Variants in SGCD observed in about 807,000 individuals in gnomAD.
The protein encoded by SGCD is sarcoglycan delta.
A neutral mutation model predicts 36.6 loss-of-function variants in SGCD; 18 were observed. The observed-to-expected ratio is 0.49, with a 90% CI of 0.34 to 0.73. SGCD has a LOEUF of 0.73. Among genes scored for constraint, SGCD ranks in the 30% least tolerant of loss-of-function variants. The pLI, the probability that SGCD is intolerant of heterozygous loss-of-function variation, is 0.01. For synonymous variants in SGCD, 133 were observed against 130.6 expected (o/e 1.02, Z -0.12); for missense variants, 387 against 346.7 (o/e 1.12, Z -0.92).
intron 3 of SGCD, among the ~76,000 whole-genome samples, chr5:156,271,679 G>A (rs1766184932): frequency 6.6e-6 from 1 of 151,984 alleles, no homozygotes; most frequent in Non-Finnish European, 1.5e-5. Context: ...TTTTCACCAA[G>A]GACAGCAGTC....
At chr5:156,109,873 C>A (rs1013424333) in intron 1 of SGCD, among the ~76,000 whole-genome samples, 2 of 152,092 alleles carry the variant, frequency 1.3e-5, no homozygotes, top group African/African-American at 4.8e-5. Flanking sequence ...TAGGTATTTG[C>A]CAAATTAGGT....
intron 6 of SGCD, among the ~76,000 whole-genome samples, chr5:156,646,314 G>C (rs1373461555): frequency 6.6e-6 from 1 of 152,172 alleles, no homozygotes; most frequent in Admixed American, 6.5e-5. Flanking sequence ...TTGCTGGCTT[G>C]CCATTCAGTG....
intron 3 of SGCD, among the ~76,000 whole-genome samples, chr5:156,486,532 C>G (rs1266750910): frequency 1.3e-5 from 2 of 152,114 alleles, no homozygotes; most frequent in Non-Finnish European, 2.9e-5. Flanking sequence ...TGCTAGTGCC[C>G]ATCTGTACTA....
intron 7 of SGCD, among the ~76,000 whole-genome samples, chr5:156,740,355 T>A (rs1756607463): frequency 6.6e-6 from 1 of 152,244 alleles, no homozygotes; most frequent in South Asian, 2.1e-4. Context: ...ACTGAGCTCT[T>A]GAAGATTCAA....
At chr5:156,438,849 C>A (rs570551250) in intron 3 of SGCD, among the ~76,000 whole-genome samples, 3 of 152,196 alleles carry the variant, frequency 2.0e-5, no homozygotes, top group African/African-American at 7.2e-5. Context: ...AACAACTCAA[C>A]ATGAACTAAA....
At chr5:156,530,429 G>T (rs7715923) in intron 4 of SGCD, among the ~76,000 whole-genome samples, 72,043 of 151,938 alleles carry the variant, frequency 0.47, 17,321 homozygotes, top group Non-Finnish European at 0.5. Flanking sequence ...CCGTATTTAT[G>T]GCTGACTTCA....
intron 3 of SGCD, among the ~76,000 whole-genome samples, chr5:156,355,247 C>T (rs1769438160): frequency 6.6e-6 from 1 of 152,170 alleles, no homozygotes; most frequent in South Asian, 2.1e-4. Context: ...ACAATTTTTG[C>T]CTTTCCTTCC....
chr5:156,729,754 A>G (rs1354784075), intron 7 of SGCD, among the ~76,000 whole-genome samples: 6 of 152,206 alleles, frequency 3.9e-5, no homozygotes, highest in Non-Finnish European at 1.5e-5. Context: ...CCATAGGCAG[A>G]ACTAAAAATA....
intron 3 of SGCD, among the ~76,000 whole-genome samples, chr5:156,181,640 A>C (rs541164433): frequency 4.6e-5 from 7 of 152,234 alleles, no homozygotes; most frequent in Admixed American, 1.3e-4. Context: ...CTGGCAGTTA[A>C]AGTGAGCAAG....
chr5:156,461,608 C>CT (rs1216258880), intron 3 of SGCD, among the ~76,000 whole-genome samples: 3 of 151,952 alleles, frequency 2.0e-5, no homozygotes, highest in South Asian at 2.1e-4. Flanking sequence ...GATTTTCACT[C>CT]TTTTTTTCTC....
intron 6 of SGCD, among the ~76,000 whole-genome samples, chr5:156,646,004 G>T (rs145286826): frequency 1.3e-5 from 2 of 152,054 alleles, no homozygotes; most frequent in African/African-American, 4.8e-5. Flanking sequence ...TTTTGAGAGA[G>T]GGAAACTGAA....
chr5:156,382,182 C>G (rs1771019198), intron 3 of SGCD, among the ~76,000 whole-genome samples: 1 of 152,126 alleles, frequency 6.6e-6, no homozygotes, highest in Non-Finnish European at 1.5e-5. Flanking sequence ...TCAGGCCACA[C>G]AGTGCTCATA....
chr5:156,712,166 C>T (rs907733631), intron 7 of SGCD, among the ~76,000 whole-genome samples: 3 of 152,188 alleles, frequency 2.0e-5, no homozygotes, highest in Non-Finnish European at 4.4e-5. Context: ...CCCATCTCAT[C>T]CTGTGACTTA....
chr5:156,650,315 C>T (rs574366638), intron 7 of SGCD, among the ~76,000 whole-genome samples: 148 of 152,212 alleles, frequency 9.7e-4, no homozygotes, highest in Admixed American at 3.3e-3. Flanking sequence ...CCCACAGAGG[C>T]TAGAAAGCAT....
At chr5:156,030,025 T>C (rs191840260) in intron 1 of SGCD, among the ~76,000 whole-genome samples, 39 of 152,272 alleles carry the variant, frequency 2.6e-4, no homozygotes, top group African/African-American at 9.1e-4. Context: ...TGTCACATAA[T>C]TTTGTGCTCA....
In SGCD at chr5:156,759,498, G is replaced by A; in HGVS notation, c.*108G>A. ...ACACAGAAAGCCTATCAAAGACCTT[G>A]TGTGTATGTGTACGTGTGTGTGCGT... On this transcript the variant is annotated 3_prime_UTR_variant, in exon 9 of 9. Coordinates refer to ENST00000337851, the MANE Select transcript of SGCD (RefSeq NM_000337.6). 2 of 726,624 alleles carry A rather than the reference G, an allele frequency of 2.8e-6. No individual in the cohort carries two copies. Among genetic ancestry groups the A allele is most frequent in the Non-Finnish European group, 4.6e-6 (2 of 436,240 alleles). 45.0% of individuals were successfully genotyped at this position (726,624 alleles called of 1,614,324 possible).
Position 156,766,718 on chromosome 5 carries a change from G to C in SGCD, c.*7328G>C, listed in dbSNP as rs754050349. 1 of 151,652 alleles carries C rather than the reference G, an allele frequency of 6.6e-6. No homozygotes were observed. The highest frequency in any genetic ancestry group is 6.6e-5 in the Admixed American group (1 of 15,196). The allele number at this position is 151,652 out of a possible 1,614,324, so 9.4% of individuals were successfully genotyped here. A position where few individuals can be genotyped will look rare whatever the true frequency, so the allele number is the denominator to read the frequency against. ...AGGGATCAGGGTTTGATCTGTAAGA[G>C]TTAAAAAGACAAAGTCATTTTGAAG... On this transcript the variant is annotated 3_prime_UTR_variant, in exon 9 of 9. Transcript: ENST00000337851.
chr5:156,306,142 T>TTATA lies in SGCD; in HGVS notation c.-43-23390_-43-23387dup, dbSNP rs200791193. 7.3e-3 allele frequency among the ~76,000 whole-genome samples: 1,112 copies of TTATA among 152,226 alleles called. 14 individuals are homozygous for TTATA. The highest frequency in any genetic ancestry group is 0.021 in the African/African-American group (885 of 41,536). On this transcript the variant is annotated intron_variant, in intron 3 of 9. Transcript: ENST00000517913. ...TGATTCATTTTGAAATGTGAGAACA[T>TTATA]TATATTTTGGAGGTGCCAGGGGTGG...
chr5:156,515,243 A>G (rs1757108455), intron 4 of SGCD, among the ~76,000 whole-genome samples: 1 of 152,138 alleles, frequency 6.6e-6, no homozygotes, highest in Non-Finnish European at 1.5e-5. Flanking sequence ...GCTTCATGAT[A>G]TATTTCAAGT....
Sources: allele counts gnomAD v4.1 joint callset (sites outside exome capture counted in the v4.1 genomes callset), GRCh38; gene constraint gnomAD v4.1.1; transcripts MANE v1.5; gene names NCBI Gene and HGNC (gene_info 2026-07-23, HGNC 2026-07-21).